Variants in SNCAIP observed in about 807,000 individuals in gnomAD.
The protein encoded by SNCAIP is synphilin-1.
A neutral mutation model predicts 86.7 loss-of-function variants in SNCAIP; 43 were observed. The observed-to-expected ratio is 0.50, with a 90% CI of 0.39 to 0.64. The LOEUF (loss-of-function observed/expected upper bound fraction) is 0.64, where lower values mean the gene tolerates loss of function less well. Ranked by LOEUF, SNCAIP falls within the 30% of genes least tolerant of loss-of-function variation. The probability of loss-of-function intolerance (pLI) is 0.00; values close to 1 mark genes in which losing one functional copy is unlikely to be tolerated. For missense variants in SNCAIP, 981 were observed against 1,103.1 expected (o/e 0.89, Z 1.57); for synonymous variants, 417 against 427.2 (o/e 0.98, Z 0.29).
chr5:122,423,280 C>T lies in SNCAIP; in HGVS notation c.543C>T (p.Cys181=), dbSNP rs1304207117. The change falls in exon 4 of 11, where the codon TGC becomes TGT. Residue 181 remains cysteine, a synonymous_variant. Transcript: ENST00000261368. The stretch of plus-strand genomic sequence containing the variant: ...CAGAAAAAAGAATTTTGGGCTTATG[C>T]ACAACCATCAATGGCCTTTCTGGCA... ...VTSEKRILGL[C]TTINGLSGKA... 4 of 1,614,154 alleles carry T rather than the reference C, an allele frequency of 2.5e-6. No homozygotes were observed. The African/African-American group carries it at 4.0e-5, about 16-fold the overall frequency.
At chr5:122,427,333 A>G (rs1022448608) in intron 5 of SNCAIP, among the ~76,000 whole-genome samples, 2 of 151,884 alleles carry the variant, frequency 1.3e-5, no homozygotes, top group South Asian at 4.1e-4. Context: ...CAGTCAACAT[A>G]AGATTGCCAT....
intron 1 of SNCAIP, among the ~76,000 whole-genome samples, chr5:122,390,838 A>G (rs1260795032): frequency 6.6e-6 from 1 of 152,184 alleles, no homozygotes; most frequent in East Asian, 1.9e-4. Context: ...GGCAAAGACA[A>G]ACAGGCACAT....
intron 6 of SNCAIP, among the ~76,000 whole-genome samples, chr5:122,435,883 A>C (rs1779342898): frequency 6.6e-6 from 1 of 152,158 alleles, no homozygotes; most frequent in Non-Finnish European, 1.5e-5. Context: ...TCACAGATGA[A>C]AGCAAAATAG....
At chr5:122,444,991 G>T in intron 8 of SNCAIP, 1 of 494,212 alleles carries the variant, frequency 2.0e-6, no homozygotes, top group Admixed American at 3.2e-5. Flanking sequence ...CAGTGGACAA[G>T]GCGAGAGAGC....
chr5:122,436,046 G>C (rs1779389596), intron 6 of SNCAIP, among the ~76,000 whole-genome samples: 1 of 152,122 alleles, frequency 6.6e-6, no homozygotes, highest in African/African-American at 2.4e-5. Context: ...GTCCTTTACA[G>C]AGTCAGGGGT....
chr5:122,450,088 A>G, intron 9 of SNCAIP, 151 bp downstream of exon 9: 1 of 651,714 alleles, frequency 1.5e-6, no homozygotes. Flanking sequence ...ACAGTGAAAA[A>G]GGCACTGGAC....
chr5:122,350,674 A>G (rs760052734), intron 1 of SNCAIP, among the ~76,000 whole-genome samples: 211 of 152,162 alleles, frequency 1.4e-3, no homozygotes, highest in Non-Finnish European at 2.4e-3. Flanking sequence ...TTGTGCTTAT[A>G]TGGGCATGAA....
At chr5:122,426,948 A>G (rs948867381) in intron 5 of SNCAIP, among the ~76,000 whole-genome samples, 3 of 152,188 alleles carry the variant, frequency 2.0e-5, no homozygotes, top group Non-Finnish European at 2.9e-5. Flanking sequence ...TTGCTAGTGG[A>G]TAAGACTGGT....
intron 10 of SNCAIP, among the ~76,000 whole-genome samples, chr5:122,460,019 A>G (rs1016025721): frequency 3.3e-5 from 5 of 152,310 alleles, no homozygotes; most frequent in African/African-American, 9.6e-5. Flanking sequence ...AAATGATAGC[A>G]CTTATAAACA....
chr5:122,435,810 T>A (rs1779329248), intron 6 of SNCAIP, among the ~76,000 whole-genome samples: 1 of 152,162 alleles, frequency 6.6e-6, no homozygotes, highest in Non-Finnish European at 1.5e-5. Context: ...GGAAAAATAT[T>A]CCCCTGCCTT....
chr5:122,330,113 A>ATTTTTTTTTTTTTTTTTTTTT (rs1387266417), intron 1 of SNCAIP, among the ~76,000 whole-genome samples: 3 of 120,360 alleles, frequency 2.5e-5, no homozygotes, highest in African/African-American at 7.8e-5. Flanking sequence ...GTACAACTTC[A>ATTTTTTTTTTTTTTTTTTTTT]TTTCTTTTTT....
chr5:122,325,202 G>A (rs1177096888), intron 1 of SNCAIP, among the ~76,000 whole-genome samples: 1 of 152,144 alleles, frequency 6.6e-6, no homozygotes, highest in Non-Finnish European at 1.5e-5. Context: ...CACCTGCTCT[G>A]TGTGATAAGA....
intron 1 of SNCAIP, among the ~76,000 whole-genome samples, chr5:122,359,213 T>G (rs1486969799): frequency 3.3e-5 from 5 of 152,074 alleles, no homozygotes; most frequent in Non-Finnish European, 7.4e-5. Context: ...AATAATATAC[T>G]AAATCATGTT....
intron 1 of SNCAIP, among the ~76,000 whole-genome samples, chr5:122,346,472 T>A (rs1000993467): frequency 6.6e-6 from 1 of 152,136 alleles, no homozygotes; most frequent in Non-Finnish European, 1.5e-5. Context: ...AAAGTAGGAT[T>A]CCAATGTTAG....
At chr5:122,327,780 T>G (rs1754409514) in intron 1 of SNCAIP, among the ~76,000 whole-genome samples, 2 of 152,198 alleles carry the variant, frequency 1.3e-5, no homozygotes, top group Non-Finnish European at 2.9e-5. Context: ...CATTTCTTTG[T>G]GTGTATGCAG....
chr5:122,404,842 G>A (rs943235868), intron 3 of SNCAIP, among the ~76,000 whole-genome samples: 1 of 152,088 alleles, frequency 6.6e-6, no homozygotes, highest in Non-Finnish European at 1.5e-5. Context: ...TTTTTCTTAG[G>A]AGAGACAGGA....
At chr5:122,421,321 C>T (rs911326233) in intron 3 of SNCAIP, among the ~76,000 whole-genome samples, 1 of 152,204 alleles carries the variant, frequency 6.6e-6, no homozygotes, top group East Asian at 1.9e-4. Context: ...AGGGAAAGAA[C>T]TCACTGATAG....
chr5:122,378,798 A>G (rs1765964528), intron 1 of SNCAIP, among the ~76,000 whole-genome samples: 1 of 144,374 alleles, frequency 6.9e-6, no homozygotes, highest in African/African-American at 2.6e-5. Flanking sequence ...TAAATAGGGA[A>G]TCCTTCCCCA....
chr5:122,453,171 T>C (rs1784058605), intron 10 of SNCAIP, among the ~76,000 whole-genome samples: 1 of 152,156 alleles, frequency 6.6e-6, no homozygotes, highest in South Asian at 2.1e-4. Flanking sequence ...AACTAGGTCT[T>C]AGGTCGCTAG....
Sources: allele counts gnomAD v4.1 joint callset (sites outside exome capture counted in the v4.1 genomes callset), GRCh38; gene constraint gnomAD v4.1.1; transcripts MANE v1.5; gene names NCBI Gene and HGNC (gene_info 2026-07-23, HGNC 2026-07-21).